Variants in MCFD2 observed in about 807,000 individuals in gnomAD.
MCFD2 encodes multiple coagulation factor deficiency protein 2.
Under a neutral mutation model 12.8 loss-of-function variants are expected in MCFD2, and 11 were observed. The ratio of observed to expected loss-of-function variants is 0.86; its 90% CI spans 0.54 to 1.42. The LOEUF is 1.42. Among genes scored for constraint, MCFD2 ranks in the 40% most tolerant of loss-of-function variants. The pLI is 0.00. For synonymous variants in MCFD2, 70 were observed against 68.1 expected (o/e 1.03, Z -0.14); for missense variants, 191 against 178.6 (o/e 1.07, Z -0.40).
At chr2:46,912,134 G>A (rs531536342) in intron 1 of MCFD2, among the ~76,000 whole-genome samples, 1 of 152,158 alleles carries the variant, frequency 6.6e-6, no homozygotes, top group South Asian at 2.1e-4. Flanking sequence ...TCAGGAGTTT[G>A]AGACCAGCCT....
chr2:46,941,109 C>T lies in MCFD2; in HGVS notation c.-8+463G>A, dbSNP rs1217055499. On this transcript the variant is annotated intron_variant, in intron 1 of 2. Transcript: ENST00000409147. The surrounding 1 kb of genome is among the most constrained non-coding windows in gnomAD (Gnocchi z 4.2). Reference sequence around the variant, plus strand: ...CCTTCGCGCGCCTGGCTGCTGTGGCCGCGCTGGCAGCCAGCGAGCCCGGCT... The same window carrying T: ...CCTTCGCGCGCCTGGCTGCTGTGGCTGCGCTGGCAGCCAGCGAGCCCGGCT... The T allele has an allele frequency of 6.7e-6, 1 of 148,550 alleles. No homozygotes were observed. Among genetic ancestry groups the T allele is most frequent in the Non-Finnish European group, 1.5e-5 (1 of 66,360 alleles). 9.2% of individuals were successfully genotyped at this position (148,550 alleles called of 1,614,324 possible). A position where few individuals can be genotyped will look rare whatever the true frequency, so the allele number is the denominator to read the frequency against.
upstream of MCFD2, chr2:46,916,082 AG>A (rs1668771800): frequency 1.0e-6 from 1 of 985,516 alleles, no homozygotes; most frequent in South Asian, 4.7e-5. Flanking sequence ...TCAGGAACGT[AG>A]TTCCACGGGC....
chr2:46,917,070 G>T, upstream of MCFD2: 1 of 654,396 alleles, frequency 1.5e-6, no homozygotes, highest in East Asian at 2.7e-5. Context: ...GTTGCCTAAC[G>T]CCACTGCCAT....
In MCFD2 at chr2:46,937,022, A is replaced by T. The variant is rs1264996815; in HGVS notation, c.-8+4550T>A. On this transcript the variant is annotated intron_variant, in intron 1 of 2. Coordinates refer to the MCFD2 transcript ENST00000409147. The surrounding 1 kb of genome is among the most constrained non-coding windows in gnomAD (Gnocchi z 4.0). ...GGCACCTGCCCACCATGCCAGGCTA[A>T]TTTTTGTATTTTTTGTAGAGATGGG... Among the ~76,000 whole-genome samples the T allele has an allele frequency of 1.3e-5, 2 of 151,856 alleles. No individual in the cohort carries two copies. Among genetic ancestry groups the T allele is most frequent in the Non-Finnish European group, 2.9e-5 (2 of 67,940 alleles).
In MCFD2 at chr2:46,903,950, T is replaced by C. The variant is rs372935939; in HGVS notation, c.*1513A>G. The C allele has an allele frequency of 2.0e-5, 3 of 152,262 alleles. No homozygotes were observed. Among genetic ancestry groups the C allele is most frequent in the African/African-American group, 7.2e-5 (3 of 41,564 alleles). The allele number at this position is 152,262 out of a possible 1,614,324, so 9.4% of individuals were successfully genotyped here. Reference sequence around the variant, plus strand: ...CCATGGGGAAAATGTCTCCAGGCCATGTCAGGGCAGCCCCTGACATGTGTG... The same window carrying C: ...CCATGGGGAAAATGTCTCCAGGCCACGTCAGGGCAGCCCCTGACATGTGTG... On this transcript the variant is annotated 3_prime_UTR_variant, in exon 4 of 4. Coordinates refer to ENST00000319466, the MANE Select transcript of MCFD2 (RefSeq NM_139279.6).
upstream of MCFD2, chr2:46,916,273 G>T: frequency 1.4e-6 from 1 of 694,806 alleles, no homozygotes; most frequent in Non-Finnish European, 1.8e-6. Context: ...GCTGGAGCCG[G>T]CCTTGGACCC....
chr2:46,905,730 A>C, intron 3 of MCFD2, 136 bp from the exon 4 acceptor site: 2 of 939,236 alleles, frequency 2.1e-6, no homozygotes, highest in Non-Finnish European at 3.3e-6. Context: ...AAACAAAACA[A>C]CAAAATATCC....
intron 1 of MCFD2, among the ~76,000 whole-genome samples, chr2:46,936,930 C>A (rs1263667417): frequency 6.6e-6 from 1 of 151,472 alleles, no homozygotes; most frequent in Non-Finnish European, 1.5e-5. Context: ...TCTCAGCTCA[C>A]TGCAACCTCT....
upstream of MCFD2, chr2:46,917,224 G>C (rs1291545710): frequency 2.9e-6 from 2 of 697,162 alleles, no homozygotes; most frequent in East Asian, 5.5e-5. Flanking sequence ...CGAACTCCTG[G>C]GTTCAAGCAA....
chr2:46,906,475 ATTTTTTTTTTTT>A (rs70940646), intron 3 of MCFD2, among the ~76,000 whole-genome samples: 7 of 91,700 alleles, frequency 7.6e-5, no homozygotes, highest in African/African-American at 1.4e-4. Context: ...AGGCACGAGG[ATTTTTTTTTTTT>A]TTTTTTTTTT....
Position 46,907,942 on chromosome 2 carries a change from G to A in MCFD2, c.177C>T (p.Val59=), listed in dbSNP as rs1278071660. The A allele has an allele frequency of 6.2e-7, 1 of 1,614,062 alleles. No individual in the cohort carries two copies. Among genetic ancestry groups the A allele is most frequent in the Non-Finnish European group, 8.5e-7 (1 of 1,180,050 alleles). The change falls in exon 3 of 4, where the codon GTC becomes GTT. Residue 59 remains valine (V), a synonymous_variant. Coordinates refer to ENST00000319466, the MANE Select transcript of MCFD2 (RefSeq NM_139279.6). This position sits in a 1 kb window ranked among gnomAD's most constrained non-coding sequence, Gnocchi z 4.1. ...ACATCTCCGCCTCTGGTTTGTTGAT[G>A]ACACCTTCTAGATGCTCCATGATAT... ...QEHIMEHLEG[V]INKPEAEMSP... is the part of the protein sequence containing the mutation.
chr2:46,941,409 C>CGCTGCCGCCCGGGCCCCA lies in MCFD2; in HGVS notation c.-8+162_-8+163insTGGGGCCCGGGCGGCAGC. The CGCTGCCGCCCGGGCCCCA allele has an allele frequency of 1.2e-6, 1 of 844,226 alleles. No homozygotes were observed. Among genetic ancestry groups the CGCTGCCGCCCGGGCCCCA allele is most frequent in the Non-Finnish European group, 1.5e-6 (1 of 659,128 alleles). 52.3% of individuals were successfully genotyped at this position (844,226 alleles called of 1,614,324 possible). A position where few individuals can be genotyped will look rare whatever the true frequency, so the allele number is the denominator to read the frequency against. On this transcript the variant is annotated intron_variant, in intron 1 of 2. Transcript: ENST00000409147. The surrounding 1 kb of genome is among the most constrained non-coding windows in gnomAD (Gnocchi z 4.2). The stretch of plus-strand genomic sequence containing the variant: ...GCCCACCCTCCGCCGCCCGGGCCCC[C>CGCTGCCGCCCGGGCCCCA]GCTGCCGCCCGGGCCCCGGCTGCCG...
intron 1 of MCFD2, among the ~76,000 whole-genome samples, chr2:46,931,565 G>A (rs1669705217): frequency 6.6e-6 from 1 of 152,152 alleles, no homozygotes; most frequent in African/African-American, 2.4e-5. Flanking sequence ...AGGTTGGAGT[G>A]ATGAGCTTTG....
At chr2:46,920,757 A>G (rs1669062331), upstream of MCFD2, among the ~76,000 whole-genome samples, 1 of 151,998 alleles carries the variant, frequency 6.6e-6, no homozygotes, top group Non-Finnish European at 1.5e-5. Flanking sequence ...ACTTCCTTCA[A>G]AGGCATTTTC....
chr2:46,915,906 G>A (rs1490097544), upstream of MCFD2: 2 of 985,062 alleles, frequency 2.0e-6, no homozygotes, highest in South Asian at 4.7e-5. Context: ...GCGGCGGGCT[G>A]TGAGGACGGC....
intron 1 of MCFD2, among the ~76,000 whole-genome samples, chr2:46,925,194 G>T (rs79516895): frequency 6.6e-6 from 1 of 152,006 alleles, no homozygotes; most frequent in Non-Finnish European, 1.5e-5. Flanking sequence ...GGGTTTAAGC[G>T]ATCTTCCCAC....
upstream of MCFD2, among the ~76,000 whole-genome samples, chr2:46,916,887 C>T (rs932446583): frequency 6.6e-6 from 1 of 152,108 alleles, no homozygotes; most frequent in African/African-American, 2.4e-5. Flanking sequence ...CCCGCCTCAG[C>T]CTCCCAAAGT....
intron 1 of MCFD2, among the ~76,000 whole-genome samples, chr2:46,912,834 G>A (rs1174154337): frequency 6.6e-6 from 1 of 152,188 alleles, no homozygotes. Flanking sequence ...TTCTTAGCCT[G>A]TGTGCCATGG....
At position 46,941,043 on chromosome 2, in the gene MCFD2, G is replaced by GGGCGGC. The variant is rs555336676; in HGVS notation, c.-8+523_-8+528dup. The GGGCGGC allele has an allele frequency of 1.3e-5, 2 of 151,346 alleles. No homozygotes were observed. The highest frequency in any genetic ancestry group is 2.4e-5 in the African/African-American group (1 of 41,152). The allele number at this position is 151,346 out of a possible 1,614,324, so 9.4% of individuals were successfully genotyped here. ...AAAGTGAGCTCCGACTCCGCGGCGGGGGCGGCGGCGGGGGGCGGGTACCCG... is the reference window on the plus strand; with the variant it reads ...AAAGTGAGCTCCGACTCCGCGGCGGGGGCGGCGGCGGCGGCGGGGGGCGGGTACCCG... On this transcript the variant is annotated intron_variant, in intron 1 of 2. Transcript: ENST00000409147. This position sits in a 1 kb window ranked among gnomAD's most constrained non-coding sequence, Gnocchi z 4.2.
Sources: allele counts gnomAD v4.1 joint callset (sites outside exome capture counted in the v4.1 genomes callset), GRCh38; gene constraint gnomAD v4.1.1; non-coding constraint Gnocchi (gnomAD v3.1); transcripts MANE v1.5; gene names NCBI Gene and HGNC (gene_info 2026-07-23, HGNC 2026-07-21).